The following ELN variants were observed in gnomAD, a reference collection of about 807,000 sequenced individuals.
ELN encodes elastin, also known as tropoelastin.
In ELN, 65 loss-of-function variants were observed where a neutral mutation model predicts 105.8. The observed-to-expected ratio is 0.61, with a 90% CI of 0.50 to 0.75. The LOEUF (loss-of-function observed/expected upper bound fraction) is 0.75. ELN is among the 30% of genes least tolerant of loss of function. The probability of loss-of-function intolerance (pLI) is 0.00; values close to 1 mark genes in which losing one functional copy is unlikely to be tolerated. For synonymous variants in ELN, 368 were observed against 389.2 expected, an observed-to-expected ratio of 0.95 and a Z score of 0.64; for missense variants, 882 against 969.4, an observed-to-expected ratio of 0.91 and a Z score of 1.20.
intron 29 of ELN, among the ~76,000 whole-genome samples, chr7:74,064,325 G>T (rs1418276561): frequency 6.6e-6 from 1 of 151,528 alleles, no homozygotes; most frequent in Non-Finnish European, 1.5e-5. Context: ...TGAGGCAGAA[G>T]AATGGCGTGA....
intron 1 of ELN, among the ~76,000 whole-genome samples, chr7:74,029,670 G>A (rs1788231206): frequency 6.6e-6 from 1 of 152,168 alleles, no homozygotes; most frequent in African/African-American, 2.4e-5. Flanking sequence ...CCACAGGCGG[G>A]CCCCAGCAGG....
intron 15 of ELN, among the ~76,000 whole-genome samples, chr7:74,050,136 T>G (rs970679737): frequency 7.4e-6 from 1 of 135,254 alleles, no homozygotes; most frequent in Non-Finnish European, 1.6e-5. Flanking sequence ...TCTCCATGCA[T>G]CCTTCCATCC....
At chr7:74,060,983 G>A in intron 25 of ELN, 118 bp from the exon 26 acceptor site, 1 of 1,232,194 alleles carries the variant, frequency 8.1e-7, no homozygotes, top group South Asian at 1.2e-5. Context: ...ACAGCTTCAG[G>A]GCTTTGAGGA....
At chr7:74,067,998 G>A (rs1464879327) in intron 32 of ELN, among the ~76,000 whole-genome samples, 1 of 146,554 alleles carries the variant, frequency 6.8e-6, no homozygotes, top group African/African-American at 2.6e-5. Context: ...CCCACTCTCT[G>A]CTCACTGCCA....
At position 74,053,065 on chromosome 7, in the gene ELN, C is replaced by A; in HGVS notation, c.950-98C>A. On this transcript the variant is annotated intron_variant, in intron 17 of 32. Coordinates refer to ENST00000252034, the MANE Select transcript of ELN (RefSeq NM_000501.4). ...AAATGTCAACCCACCTGCAATCCTGCATTCAGGACCAACTGTCACTTCCAT... is the reference window on the plus strand; with the variant it reads ...AAATGTCAACCCACCTGCAATCCTGAATTCAGGACCAACTGTCACTTCCAT... 3 of 1,571,260 alleles carry A rather than the reference C, an allele frequency of 1.9e-6. No individual in the cohort carries two copies. The South Asian group carries it at 3.4e-5, about 18-fold the overall frequency.
In ELN at chr7:74,053,318, G is replaced by A; in HGVS notation, c.1096+9G>A. ...AGGTGCTGCGGTTCCAGGTGAGCTG[G>A]GCTGTGTGTGTGTGTGTGTGTGTGT... is the stretch of plus-strand genomic sequence containing the variant. On this transcript the variant is annotated intron_variant, in intron 18 of 32. Transcript: ENST00000252034. 2 of 1,580,898 alleles carry A rather than the reference G, an allele frequency of 1.3e-6. No homozygotes were observed. Among genetic ancestry groups the A allele is most frequent in the Non-Finnish European group, 1.7e-6 (2 of 1,168,872 alleles).
At chr7:74,044,355 A>G (rs1791966550) in intron 9 of ELN, among the ~76,000 whole-genome samples, 1 of 151,934 alleles carries the variant, frequency 6.6e-6, no homozygotes. Flanking sequence ...GACCTGAGCC[A>G]TTTCCCCAAA....
chr7:74,032,054 T>C (rs1584464347), intron 1 of ELN, among the ~76,000 whole-genome samples: 1 of 151,118 alleles, frequency 6.6e-6, no homozygotes. Flanking sequence ...CATTTGGAGG[T>C]GGTGATTTTC....
At chr7:74,036,445 C>T in intron 2 of ELN, 110 bp from the exon 3 acceptor site, 7 of 1,477,558 alleles carry the variant, frequency 4.7e-6, no homozygotes, top group South Asian at 1.1e-5. Flanking sequence ...CAGGTCTTGC[C>T]CAAGGTCACG....
chr7:74,053,050 C>A, intron 17 of ELN, 113 bp from the exon 18 acceptor site: 1 of 1,499,502 alleles, frequency 6.7e-7, no homozygotes, highest in Non-Finnish European at 9.2e-7. Flanking sequence ...AAATGTCAAC[C>A]CACCTGCAAT....
At chr7:74,046,301 A>G (rs1270212236) in intron 11 of ELN, 84 bp downstream of exon 11, 1 of 1,593,276 alleles carries the variant, frequency 6.3e-7, no homozygotes, top group African/African-American at 1.3e-5. Flanking sequence ...CCAAGATCCC[A>G]TCCAAGCCTG....
intron 11 of ELN, among the ~76,000 whole-genome samples, 158 bp downstream of exon 11, chr7:74,046,375 TCCCAGGCCTGCTCCC>T (rs1156242534): frequency 2.2e-4 from 34 of 152,164 alleles, no homozygotes; most frequent in African/African-American, 8.2e-4. Flanking sequence ...GTGGCACCCA[TCCCAGGCCTGCTCCC>T]CCCACTGGCA....
chr7:74,058,758 T>C (rs1221261840), intron 22 of ELN, among the ~76,000 whole-genome samples: 4 of 152,136 alleles, frequency 2.6e-5, no homozygotes, highest in Admixed American at 6.5e-5. Context: ...GCAGCACCAA[T>C]TGTAGAGCTC....
rs1182608578 is a variant in ELN, at chr7:74,063,797, C to T, written c.1993+102C>T. 8 of 1,517,462 alleles carry T rather than the reference C, an allele frequency of 5.3e-6. No individual in the cohort carries two copies. The East Asian group carries it at 6.8e-5, about 13-fold the overall frequency. 94.0% of individuals were successfully genotyped at this position (1,517,462 alleles called of 1,614,324 possible). A position where few individuals can be genotyped will look rare whatever the true frequency, so the allele number is the denominator to read the frequency against. ...GAGACTTTCGTTCCCACCCCTGGCACGTCTTTGCTCAAGATGTCCTCTTGG... is the reference window on the plus strand; with the variant it reads ...GAGACTTTCGTTCCCACCCCTGGCATGTCTTTGCTCAAGATGTCCTCTTGG... On this transcript the variant is annotated intron_variant, in intron 29 of 32. Transcript: ENST00000252034. This position sits in a 1 kb window ranked among gnomAD's most constrained non-coding sequence, Gnocchi z 4.1.
intron 32 of ELN, 95 bp downstream of exon 32, chr7:74,066,871 C>A: frequency 7.2e-7 from 1 of 1,389,396 alleles, no homozygotes; most frequent in Non-Finnish European, 1.0e-6. Flanking sequence ...AGGGCTGAGC[C>A]AGCACCCAGG....
chr7:74,040,001 G>A (rs1200284316), intron 4 of ELN, among the ~76,000 whole-genome samples: 3 of 152,192 alleles, frequency 2.0e-5, no homozygotes, highest in Admixed American at 6.5e-5. Context: ...CTTTCCAGAT[G>A]CTAGAATCCT....
intron 19 of ELN, among the ~76,000 whole-genome samples, chr7:74,055,745 T>G (rs753154085): frequency 1.3e-4 from 19 of 150,418 alleles, no homozygotes; most frequent in Non-Finnish European, 2.2e-4. Flanking sequence ...GATCCCAAAG[T>G]GCTGGGATTA....
chr7:74,065,573 C>A, intron 29 of ELN, 121 bp from the exon 30 acceptor site: 1 of 1,209,764 alleles, frequency 8.3e-7, no homozygotes. Context: ...GGGATCGCGC[C>A]ACTGCACTCC....
In ELN at chr7:74,051,739, C is replaced by T. The variant is rs782229307; in HGVS notation, c.800-11C>T. On this transcript the variant is annotated splice_polypyrimidine_tract_variant and intron_variant, in intron 15 of 32. Coordinates refer to ENST00000252034, the MANE Select transcript of ELN (RefSeq NM_000501.4). ...TTGGGAAACTACATTGCACTGTCCC[C>T]ATCTCAACAGGTGCTGGAGCAGCCG... 3 of 1,614,074 alleles carry T rather than the reference C, an allele frequency of 1.9e-6. No homozygotes were observed. The highest frequency in any genetic ancestry group is 2.7e-5 in the African/African-American group (2 of 74,940).
Sources: gnomAD v4.1 joint callset for allele counts (sites outside exome capture counted in the v4.1 genomes callset) on GRCh38, gnomAD v4.1.1 for gene constraint, Gnocchi (gnomAD v3.1) non-coding constraint, MANE v1.5 for transcripts, NCBI Gene and HGNC (gene_info 2026-07-23, HGNC 2026-07-21) for gene names.